KLRB1: variants seen among roughly 807,000 people sequenced by gnomAD.
KLRB1 encodes the protein killer cell lectin like receptor B1.
In KLRB1, 27 loss-of-function variants were observed where a neutral mutation model predicts 33.5. The observed-to-expected ratio is 0.81, with a 90% CI of 0.59 to 1.11. The LOEUF (loss-of-function observed/expected upper bound fraction) is 1.11. Among genes scored for constraint, KLRB1 ranks in the 50% most tolerant of loss-of-function variants. The probability of loss-of-function intolerance (pLI) is 0.00; values close to 1 mark genes in which losing one functional copy is unlikely to be tolerated. For missense variants in KLRB1, 241 were observed against 254.1 expected, an observed-to-expected ratio of 0.95 and a Z score of 0.35; for synonymous variants, 64 against 88.9, an observed-to-expected ratio of 0.72 and a Z score of 1.58.
intron 1 of KLRB1, among the ~76,000 whole-genome samples, chr12:9,606,760 AT>A (rs1185510083): frequency 0.031 from 1,945 of 63,642 alleles, 135 homozygotes; most frequent in Admixed American, 0.05. Flanking sequence ...ATATATATAT[AT>A]TTTTTTTTTT....
intron 1 of KLRB1, chr12:9,606,503 CTCTT>C (rs1864600787): frequency 6.6e-6 from 1 of 151,552 alleles, no homozygotes; most frequent in Admixed American, 6.6e-5. Flanking sequence ...TGTGGCTTGT[CTCTT>C]TCTAAGCTGT....
Position 9,598,085 on chromosome 12 carries a change from T to G in KLRB1, c.491A>C (p.Asn164Thr), listed in dbSNP as rs1337792917. Residue 164 changes from asparagine (N) to threonine (T), a missense_variant, in exon 5 of 6, where the codon AAC (asparagine) becomes ACC (threonine). Coordinates refer to ENST00000229402, the MANE Select transcript of KLRB1 (RefSeq NM_002258.3). Reference protein sequence around the residue: ...IGLNFSLSEKNWKWINGSFLN... With the variant: ...IGLNFSLSEKTWKWINGSFLN... ...AAAAGAGCCGTTTATCCACTTCCAG[T>G]TCTTTTCTGATAATGAAAAATTTAA... 1.3e-6 allele frequency: 2 copies of G among 1,592,982 alleles called. No homozygotes were observed.
intron 1 of KLRB1, among the ~76,000 whole-genome samples, chr12:9,604,734 T>G (rs1217360220): frequency 6.6e-6 from 1 of 152,174 alleles, no homozygotes; most frequent in Non-Finnish European, 1.5e-5. Context: ...CCCCGAAAGT[T>G]AAATCCTATA....
intron 1 of KLRB1, among the ~76,000 whole-genome samples, chr12:9,607,415 T>G (rs5023031): frequency 0.26 from 26,786 of 103,300 alleles, 4,520 homozygotes; most frequent in African/African-American, 0.39. Flanking sequence ...TTTTCTTTCT[T>G]TCTTTCTTTC....
At chr12:9,607,335 C>CCTTCCTTCCTGCCTGCCTTCCTTT (rs1864621978) in intron 1 of KLRB1, among the ~76,000 whole-genome samples, 62 of 65,194 alleles carry the variant, frequency 9.5e-4, no homozygotes, top group Non-Finnish European at 1.8e-3. Context: ...CTCTTTCTTT[C>CCTTCCTTCCTGCCTGCCTTCCTTT]CTTTCTTTCT....
chr12:9,596,206 G>T (rs1864491162), intron 5 of KLRB1, among the ~76,000 whole-genome samples: 3 of 152,140 alleles, frequency 2.0e-5, no homozygotes, highest in Admixed American at 6.6e-5. Context: ...TTAGTCCTTT[G>T]TTCCATTTTC....
Position 9,601,453 on chromosome 12 carries a change from A to G in KLRB1, c.184+48T>C, listed in dbSNP as rs759510850. ...CTACAGAGATGCTCTAAGATACGTA[A>G]TGGAAGTAGAGTAAGTATTATGAAA... On this transcript the variant is annotated intron_variant, in intron 2 of 5. Transcript: ENST00000229402. 5.8e-6 allele frequency: 8 copies of G among 1,379,758 alleles called. No homozygotes were observed. In the African/African-American group the frequency reaches 1.1e-4, roughly 20 times the overall value. The allele number at this position is 1,379,758 out of a possible 1,614,324, so 85.5% of individuals were successfully genotyped here.
chr12:9,595,756 G>T (rs182052344), intron 5 of KLRB1, among the ~76,000 whole-genome samples: 4 of 152,260 alleles, frequency 2.6e-5, no homozygotes, highest in African/African-American at 9.6e-5. Flanking sequence ...ACTTTACTGA[G>T]CCACAGTTTT....
At chr12:9,598,460 G>C in intron 4 of KLRB1, 39 bp downstream of exon 4, 1 of 1,555,690 alleles carries the variant, frequency 6.4e-7, no homozygotes, top group South Asian at 1.1e-5. Flanking sequence ...TTTAAAGAAA[G>C]TGTTAAGTTT....
At chr12:9,597,074 T>G (rs1864498090) in intron 5 of KLRB1, among the ~76,000 whole-genome samples, 1 of 152,186 alleles carries the variant, frequency 6.6e-6, no homozygotes, top group Admixed American at 6.5e-5. Flanking sequence ...CTTTGCTGAT[T>G]GAGCCAACAT....
At chr12:9,601,664 TC>T in intron 1 of KLRB1, 65 bp from the exon 2 acceptor site, 1 of 1,079,490 alleles carries the variant, frequency 9.3e-7, no homozygotes, top group Non-Finnish European at 1.4e-6. Flanking sequence ...CTTGGTTAAC[TC>T]AGTGGAGTAC....
intron 1 of KLRB1, among the ~76,000 whole-genome samples, chr12:9,606,722 TATGTATAAAAAG>T: frequency 1.6e-5 from 1 of 62,006 alleles, no homozygotes; most frequent in African/African-American, 6.0e-5. Flanking sequence ...ATATAAAATA[TATGTATAAAAAG>T]TATATATATA....
At position 9,599,827 on chromosome 12, in the gene KLRB1, G is replaced by A. The variant is rs779071624; in HGVS notation, c.199C>T (p.Gln67Ter). The A allele has an allele frequency of 1.6e-5, 26 of 1,591,096 alleles. No homozygotes were observed. The South Asian group carries it at 2.6e-4, about 16-fold the overall frequency. ...GLSVSVTSLIQKSSIEKCSVD... is the reference protein window; with the variant it reads ...GLSVSVTSLI ...CTGCATTTTTCTATTGATGATTTCT[G>A]TATTAAGGATGTCACTAGTACATAA... Residue 67 changes from glutamine (Q) to a stop codon, truncating the protein, a stop_gained, in exon 3 of 6, where the codon CAG (glutamine) becomes TAG (stop). Coordinates refer to ENST00000229402, the MANE Select transcript of KLRB1 (RefSeq NM_002258.3). LOFTEE classifies it high-confidence loss of function.
chr12:9,607,260 T>TTCTTTCTTTTTCTC (rs1864616542), intron 1 of KLRB1, among the ~76,000 whole-genome samples: 1 of 133,358 alleles, frequency 7.5e-6, no homozygotes, highest in Admixed American at 7.3e-5. Flanking sequence ...CTCTTTTTCT[T>TTCTTTCTTTTTCTC]TCTTTCCTTT....
intron 1 of KLRB1, among the ~76,000 whole-genome samples, chr12:9,606,965 C>G (rs1430522691): frequency 6.6e-6 from 1 of 151,418 alleles, no homozygotes; most frequent in African/African-American, 2.4e-5. Flanking sequence ...CCACATTGCC[C>G]AGGCTGGCCT....
rs1864625911 is a variant in KLRB1, at chr12:9,607,355, C to CCTTCCTTTCTTTCTTT, written c.85+399_85+400insAAAGAAAGAAAGGAAG. On this transcript the variant is annotated intron_variant, in intron 1 of 5. Transcript: ENST00000229402. ...TCTTTCCTTTCTTTCTTTCTTTCTT[C>CCTTCCTTTCTTTCTTT]CTTTCTTTCTTTCTTTCTTTCTTTC... Among the ~76,000 whole-genome samples the CCTTCCTTTCTTTCTTT allele has an allele frequency of 2.8e-4, 15 of 52,774 alleles. 1 individual carries two copies. The highest frequency in any genetic ancestry group is 1.0e-3 in the East Asian group (1 of 988). The allele number at this position is 52,774 out of a possible 152,430, so 34.6% of individuals were successfully genotyped here.
chr12:9,607,314 T>TC (rs1565444471), intron 1 of KLRB1, among the ~76,000 whole-genome samples: 7 of 129,908 alleles, frequency 5.4e-5, no homozygotes, highest in African/African-American at 2.0e-4. Flanking sequence ...TCTTTCTTTC[T>TC]TCTTTTCTTT....
chr12:9,597,485 CTG>C (rs1864502809), intron 5 of KLRB1, among the ~76,000 whole-genome samples: 1 of 152,130 alleles, frequency 6.6e-6, no homozygotes, highest in Non-Finnish European at 1.5e-5. Context: ...GCATGTCACA[CTG>C]AAGAGAAAAC....
intron 1 of KLRB1, among the ~76,000 whole-genome samples, chr12:9,607,266 C>CTTTTTCTTT (rs71045273): frequency 0.25 from 31,460 of 126,546 alleles, 6,191 homozygotes; most frequent in South Asian, 0.45. Flanking sequence ...TTCTTTCTTT[C>CTTTTTCTTT]CTTTCCTTTC....
Sources: allele counts gnomAD v4.1 joint callset (sites outside exome capture counted in the v4.1 genomes callset), GRCh38; gene constraint gnomAD v4.1.1; transcripts MANE v1.5; gene names NCBI Gene and HGNC (gene_info 2026-07-23, HGNC 2026-07-21).